GEMIN6: variants seen among roughly 807,000 people sequenced by gnomAD.
The protein encoded by GEMIN6 is gem-associated protein 6.
A neutral mutation model predicts 14.1 loss-of-function variants in GEMIN6; 13 were observed. That is an observed-to-expected ratio of 0.92 (90% CI 0.60 to 1.46). The LOEUF is 1.46. GEMIN6 is among the 40% of genes most tolerant of loss of function. The probability of loss-of-function intolerance (pLI) is 0.00; values close to 1 mark genes in which losing one functional copy is unlikely to be tolerated. For missense variants in GEMIN6, 271 were observed against 202.4 expected (o/e 1.34, Z -2.06); for synonymous variants, 87 against 70.0 (o/e 1.24, Z -1.21).
In GEMIN6 at chr2:38,783,931, A is replaced by C. The variant is rs1256908270; in HGVS notation, c.*2039A>C. 6.6e-6 allele frequency: 1 copy of C among 152,176 alleles called. No homozygotes were observed. Among genetic ancestry groups the C allele is most frequent in the Non-Finnish European group, 1.5e-5 (1 of 68,046 alleles). 9.4% of individuals were successfully genotyped at this position (152,176 alleles called of 1,614,324 possible). On this transcript the variant is annotated 3_prime_UTR_variant, in exon 3 of 3. Coordinates refer to ENST00000281950, the MANE Select transcript of GEMIN6 (RefSeq NM_024775.10). ...AAACAGATTGCTGGACCCTCCTCCC[A>C]ACAGATTCTGATTCAGTAGTTCTAG...
In GEMIN6 at chr2:38,781,522, T is replaced by A. The variant is rs1669085745; in HGVS notation, c.134T>A (p.Val45Asp). Reference protein sequence around the residue: ...LTTDPVSANIVLVNFLEDGSM... With the variant: ...LTTDPVSANIDLVNFLEDGSM... ...AACTTACTTTTCCTCCAAAGTATTG[T>A]CCTTGTGAACTTCCTTGAAGATGGC... is the stretch of plus-strand genomic sequence containing the variant. The change falls in exon 3 of 3, where the codon GTC becomes GAC. Residue 45 changes from valine to aspartate, a missense_variant. Transcript: ENST00000281950. 6.2e-7 allele frequency: 1 copy of A among 1,609,406 alleles called. No individual in the cohort carries two copies. The highest frequency in any genetic ancestry group is 1.3e-5 in the African/African-American group (1 of 74,714).
Position 38,783,021 on chromosome 2 carries a change from A to G in GEMIN6, c.*1129A>G, listed in dbSNP as rs1006792849. On this transcript the variant is annotated 3_prime_UTR_variant, in exon 3 of 3. Coordinates refer to ENST00000281950, the MANE Select transcript of GEMIN6 (RefSeq NM_024775.10). ...GTAGCTGGTATTACAGGCATGCACC[A>G]TCACGCCCCACTAATTTTGTATTTT... The G allele has an allele frequency of 2.7e-5, 4 of 150,046 alleles. No individual in the cohort carries two copies. Among genetic ancestry groups the G allele is most frequent in the African/African-American group, 9.8e-5 (4 of 40,630 alleles). The allele number at this position is 150,046 out of a possible 1,614,324, so 9.3% of individuals were successfully genotyped here.
rs1374172064 is a variant in GEMIN6 at position 38,783,891 on chromosome 2, C to T, written c.*1999C>T. 1.3e-5 allele frequency: 2 copies of T among 152,222 alleles called. No homozygotes were observed. Among genetic ancestry groups the T allele is most frequent in the Non-Finnish European group, 2.9e-5 (2 of 68,062 alleles). The allele number at this position is 152,222 out of a possible 1,614,324, so 9.4% of individuals were successfully genotyped here. A position where few individuals can be genotyped will look rare whatever the true frequency, so the allele number is the denominator to read the frequency against. On this transcript the variant is annotated 3_prime_UTR_variant, in exon 3 of 3. Transcript: ENST00000281950. Reference sequence around the variant, plus strand: ...GCATGTTGGCAAGCATCAGAATCAGCTGCAGGGCTTTTCAAAACAGATTGC... The same window carrying T: ...GCATGTTGGCAAGCATCAGAATCAGTTGCAGGGCTTTTCAAAACAGATTGC...
Position 38,784,738 on chromosome 2 carries a change from T to G in GEMIN6, c.*2846T>G, listed in dbSNP as rs1281827838. The G allele has an allele frequency of 2.0e-5, 3 of 152,168 alleles. No homozygotes were observed. Among genetic ancestry groups the G allele is most frequent in the Non-Finnish European group, 4.4e-5 (3 of 68,040 alleles). 9.4% of individuals were successfully genotyped at this position (152,168 alleles called of 1,614,324 possible). Reference sequence around the variant, plus strand: ...AACAAAACCTGAGTGCTTGAAAGGGTAAGTGATCCTGATCTGCCATAGAAA... The same window carrying G: ...AACAAAACCTGAGTGCTTGAAAGGGGAAGTGATCCTGATCTGCCATAGAAA... On this transcript the variant is annotated 3_prime_UTR_variant, in exon 3 of 3. Transcript: ENST00000281950.
intron 2 of GEMIN6, chr2:38,779,462 C>G: frequency 3.7e-6 from 1 of 271,308 alleles, no homozygotes; most frequent in Non-Finnish European, 7.3e-6. Context: ...AACTCCTGAT[C>G]TCCAAGGATC....
intron 2 of GEMIN6, chr2:38,779,469 G>A (rs893990962): frequency 1.1e-5 from 3 of 264,554 alleles, no homozygotes; most frequent in Non-Finnish European, 2.3e-5. Flanking sequence ...GATCTCCAAG[G>A]ATCTGCCCAC....
At position 38,781,858 on chromosome 2, in the gene GEMIN6, A is replaced by T; in HGVS notation, c.470A>T (p.Asp157Val). Residue 157 changes from aspartate to valine, a missense_variant, in exon 3 of 3, where the codon GAT becomes GTT. Coordinates refer to ENST00000281950, the MANE Select transcript of GEMIN6 (RefSeq NM_024775.10). ...SNEIILSRVQ[D>V]LIEGHLTASQ ...GAGATTATTCTGTCGCGTGTTCAGG[A>T]TCTTATTGAAGGACATCTTACAGCT... 1 of 1,611,536 alleles carries T rather than the reference A, an allele frequency of 6.2e-7. No individual in the cohort carries two copies. The highest frequency in any genetic ancestry group is 8.5e-7 in the Non-Finnish European group (1 of 1,178,252).
In GEMIN6 at chr2:38,779,085, G is replaced by C; in HGVS notation, c.95G>C (p.Gly32Ala). The C allele has an allele frequency of 6.2e-7, 1 of 1,613,908 alleles. No individual in the cohort carries two copies. The highest frequency in any genetic ancestry group is 8.5e-7 in the Non-Finnish European group (1 of 1,179,884). The change falls in exon 2 of 3, where the codon GGA (glycine) becomes GCA (alanine). Residue 32 changes from glycine (G) to alanine (A), a missense_variant. Coordinates refer to ENST00000281950, the MANE Select transcript of GEMIN6 (RefSeq NM_024775.10). ...GCCAGTGAGAAGAATGAGTATAAAG[G>C]ATGGGTTTTAACTACAGACCCAGTC... ...VTASEKNEYKGWVLTTDPVSA... is the reference protein window; with the variant it reads ...VTASEKNEYKAWVLTTDPVSA...
At chr2:38,779,657 TATATATA>T (rs1227032057) in intron 2 of GEMIN6, among the ~76,000 whole-genome samples, 28 of 35,352 alleles carry the variant, frequency 7.9e-4, no homozygotes, top group Non-Finnish European at 1.9e-3. Flanking sequence ...TATATATATA[TATATATA>T]TTTTTTTTTT....
chr2:38,784,495 C>A lies in GEMIN6; in HGVS notation c.*2603C>A, dbSNP rs1455348564. On this transcript the variant is annotated 3_prime_UTR_variant, in exon 3 of 3. Coordinates refer to ENST00000281950, the MANE Select transcript of GEMIN6 (RefSeq NM_024775.10). ...GGTTGCAGTGAGCCGAGATTGTACG[C>A]ATTCCAGCTTGGGCAGCAGAACGAG... 6.7e-6 allele frequency: 1 copy of A among 149,676 alleles called. No individual in the cohort carries two copies. Among genetic ancestry groups the A allele is most frequent in the Non-Finnish European group, 1.5e-5 (1 of 67,752 alleles). The allele number at this position is 149,676 out of a possible 1,614,324, so 9.3% of individuals were successfully genotyped here.
chr2:38,779,635 A>AATATATATATATATATATATATAT (rs1413852966), intron 2 of GEMIN6, among the ~76,000 whole-genome samples: 1 of 48,034 alleles, frequency 2.1e-5, no homozygotes, highest in African/African-American at 8.4e-5. Flanking sequence ...AATTATTCTT[A>AATATATATATATATATATATATAT]CTATATATAT....
In GEMIN6 at chr2:38,782,056, C is replaced by A. The variant is rs938781782; in HGVS notation, c.*164C>A. 1 of 629,078 alleles carries A rather than the reference C, an allele frequency of 1.6e-6. No homozygotes were observed. The highest frequency in any genetic ancestry group is 2.6e-6 in the Non-Finnish European group (1 of 387,486). 39.0% of individuals were successfully genotyped at this position (629,078 alleles called of 1,614,324 possible). A position where few individuals can be genotyped will look rare whatever the true frequency, so the allele number is the denominator to read the frequency against. ...GGAGTGGGTTATAAGTGCTAATTTC[C>A]TTGGGAAATTAATGAACTAGGGCAA... On this transcript the variant is annotated 3_prime_UTR_variant, in exon 3 of 3. Coordinates refer to ENST00000281950, the MANE Select transcript of GEMIN6 (RefSeq NM_024775.10).
chr2:38,781,784 C>T lies in GEMIN6; in HGVS notation c.396C>T (p.Val132=). 6.2e-7 allele frequency: 1 copy of T among 1,614,130 alleles called. No individual in the cohort carries two copies. Residue 132 remains valine, a synonymous_variant, in exon 3 of 3, where the codon GTC becomes GTT. Transcript: ENST00000281950. ...DAPRTLCVAG[V]LTIDPPYGPE... is the part of the protein sequence containing the mutation. Reference sequence around the variant, plus strand: ...CAAGGACTCTCTGTGTGGCTGGGGTCCTGACTATAGACCCACCATATGGTC... The same window carrying T: ...CAAGGACTCTCTGTGTGGCTGGGGTTCTGACTATAGACCCACCATATGGTC...
chr2:38,779,149 T>C, intron 2 of GEMIN6, 31 bp downstream of exon 2: 2 of 1,596,316 alleles, frequency 1.3e-6, no homozygotes, highest in Non-Finnish European at 1.7e-6. Flanking sequence ...CCTGAAATCT[T>C]GACACCCCTT....
chr2:38,781,412 C>T, intron 2 of GEMIN6, 105 bp from the exon 3 acceptor site: 1 of 1,140,608 alleles, frequency 8.8e-7, no homozygotes, highest in Non-Finnish European at 1.3e-6. Context: ...TAAATGGAAG[C>T]ATTCATTGGT....
rs1295383077 is a variant in GEMIN6, at chr2:38,783,569, C to T, written c.*1677C>T. 6.7e-6 allele frequency: 1 copy of T among 149,646 alleles called. No homozygotes were observed. The highest frequency in any genetic ancestry group is 2.5e-5 in the African/African-American group (1 of 40,398). The allele number at this position is 149,646 out of a possible 1,614,324, so 9.3% of individuals were successfully genotyped here. ...CTTCAACTCCTGGGTTCAAGTGATC[C>T]TTCCACCTTGGCCTCCCAAAGTGCT... On this transcript the variant is annotated 3_prime_UTR_variant, in exon 3 of 3. Transcript: ENST00000281950.
chr2:38,781,385 A>T (rs1669081927), intron 2 of GEMIN6, 132 bp from the exon 3 acceptor site: 1 of 938,002 alleles, frequency 1.1e-6, no homozygotes, highest in Non-Finnish European at 1.6e-6. Context: ...TAGGATCCTT[A>T]GTGAATGTTT....
chr2:38,781,993 G>A lies in GEMIN6; in HGVS notation c.*101G>A, dbSNP rs1669103511. ...TACATGACTGTGTGTGTGTATGTGT[G>A]TGTGTGTATAATTCTTTGTTGTTTT... On this transcript the variant is annotated 3_prime_UTR_variant, in exon 3 of 3. Coordinates refer to ENST00000281950, the MANE Select transcript of GEMIN6 (RefSeq NM_024775.10). 1 of 1,143,598 alleles carries A rather than the reference G, an allele frequency of 8.7e-7. No homozygotes were observed. The highest frequency in any genetic ancestry group is 1.2e-6 in the Non-Finnish European group (1 of 807,054). 70.8% of individuals were successfully genotyped at this position (1,143,598 alleles called of 1,614,324 possible). A position where few individuals can be genotyped will look rare whatever the true frequency, so the allele number is the denominator to read the frequency against.
chr2:38,778,555 A>C (rs1323072745), intron 1 of GEMIN6, among the ~76,000 whole-genome samples: 1 of 152,094 alleles, frequency 6.6e-6, no homozygotes, highest in Admixed American at 6.6e-5. Flanking sequence ...GAGTGGGGTG[A>C]ACTCCTTTGA....
Sources: allele counts gnomAD v4.1 joint callset (sites outside exome capture counted in the v4.1 genomes callset), GRCh38; gene constraint gnomAD v4.1.1; transcripts MANE v1.5; gene names NCBI Gene and HGNC (gene_info 2026-07-23, HGNC 2026-07-21).